TENM3: variants seen among roughly 807,000 people sequenced by gnomAD.
The protein encoded by TENM3 is teneurin transmembrane protein 3.
In TENM3, 63 loss-of-function variants were observed where a neutral mutation model predicts 255.1. The observed-to-expected ratio is 0.25, with a 90% CI of 0.20 to 0.30. The LOEUF (loss-of-function observed/expected upper bound fraction) is 0.30, where lower values mean the gene tolerates loss of function less well. Ranked by LOEUF, TENM3 falls within the 10% of genes least tolerant of loss-of-function variation. The probability of loss-of-function intolerance (pLI) is 1.00; values close to 1 mark genes in which losing one functional copy is unlikely to be tolerated. For missense variants in TENM3, 2,929 were observed against 3,461.1 expected, an observed-to-expected ratio of 0.85 and a Z score of 3.86; for synonymous variants, 1,306 against 1,322.3, an observed-to-expected ratio of 0.99 and a Z score of 0.27.
chr4:182,380,078 G>A (rs191858557), intron 3 of TENM3, among the ~76,000 whole-genome samples: 137 of 152,212 alleles, frequency 9.0e-4, no homozygotes, highest in African/African-American at 3.2e-3. Context: ...AGACCAGCCT[G>A]GACAACATGA....
intron 3 of TENM3, among the ~76,000 whole-genome samples, chr4:182,472,304 C>A (rs1213585026): frequency 6.6e-6 from 1 of 152,104 alleles, no homozygotes; most frequent in Non-Finnish European, 1.5e-5. Flanking sequence ...TATTAATCCC[C>A]TTCTTTTTCT....
chr4:181,758,712 T>C, the TENM3 span, among the ~76,000 whole-genome samples: 13 of 152,328 alleles, frequency 8.5e-5, no homozygotes, highest in Admixed American at 2.6e-4. Flanking sequence ...CAGCCTGCTT[T>C]CATCTGATGT....
chr4:181,823,155 G>C, the TENM3 span, among the ~76,000 whole-genome samples: 3 of 152,354 alleles, frequency 2.0e-5, no homozygotes, highest in African/African-American at 7.2e-5. Context: ...GAAGGCATGA[G>C]TGAAAGCTGG....
intron 2 of TENM3, among the ~76,000 whole-genome samples, chr4:182,325,614 A>G (rs901581891): frequency 1.3e-5 from 2 of 152,188 alleles, no homozygotes; most frequent in African/African-American, 4.8e-5. Context: ...GCTGAAATAG[A>G]TTATCAGTGT....
chr4:182,057,184 G>A, the TENM3 span, among the ~76,000 whole-genome samples: 2 of 151,686 alleles, frequency 1.3e-5, no homozygotes, highest in South Asian at 4.2e-4. Context: ...TGGATGATAA[G>A]TATTTAGAGG....
chr4:182,330,827 GA>G (rs1763701375), intron 2 of TENM3, among the ~76,000 whole-genome samples: 1 of 152,176 alleles, frequency 6.6e-6, no homozygotes, highest in Non-Finnish European at 1.5e-5. Flanking sequence ...AGCACTACAA[GA>G]GAAACCTTAA....
the TENM3 span, among the ~76,000 whole-genome samples, chr4:181,791,573 T>C: frequency 2.4e-4 from 37 of 152,330 alleles, no homozygotes; most frequent in African/African-American, 8.7e-4. Context: ...TTGGTAATTT[T>C]AGCCTACTCT....
chr4:182,785,712 TAAAA>T (rs397879537), intron 24 of TENM3, among the ~76,000 whole-genome samples: 2 of 60,086 alleles, frequency 3.3e-5, no homozygotes, highest in African/African-American at 6.5e-5. Context: ...TGTCTCAAGA[TAAAA>T]AAAAAAAAAA....
chr4:182,441,897 T>C (rs1228900714), intron 3 of TENM3, among the ~76,000 whole-genome samples: 1 of 152,176 alleles, frequency 6.6e-6, no homozygotes, highest in East Asian at 1.9e-4. Flanking sequence ...AGCAAAGAAA[T>C]CGTCCCTATG....
intron 1 of TENM3, among the ~76,000 whole-genome samples, chr4:182,313,056 C>T (rs554441697): frequency 2.0e-5 from 3 of 152,244 alleles, no homozygotes; most frequent in Middle Eastern, 6.8e-3. Flanking sequence ...GTTTTGAAAT[C>T]ATAGAATATA....
the TENM3 span, among the ~76,000 whole-genome samples, chr4:182,031,598 G>T: frequency 4.8e-4 from 73 of 152,258 alleles, no homozygotes; most frequent in African/African-American, 1.7e-3. Flanking sequence ...GAATATCAAT[G>T]GTAGTTTGAT....
chr4:182,730,695 C>T (rs572970195), intron 15 of TENM3, among the ~76,000 whole-genome samples, 183 bp from the exon 16 acceptor site: 2 of 152,286 alleles, frequency 1.3e-5, no homozygotes, highest in East Asian at 3.9e-4. Flanking sequence ...GGTGAATACA[C>T]ATAGGACACA....
At chr4:182,578,852 A>G (rs977300157) in intron 3 of TENM3, among the ~76,000 whole-genome samples, 1 of 152,206 alleles carries the variant, frequency 6.6e-6, no homozygotes, top group African/African-American at 2.4e-5. Flanking sequence ...TGTTGTTTGG[A>G]AATCTCCAGT....
chr4:182,305,817 A>C (rs1406104467), intron 1 of TENM3, among the ~76,000 whole-genome samples: 1 of 152,224 alleles, frequency 6.6e-6, no homozygotes, highest in South Asian at 2.1e-4. Context: ...ACTTCACAGA[A>C]GCCCATTTCA....
At chr4:182,551,174 A>C (rs1310083708) in intron 3 of TENM3, among the ~76,000 whole-genome samples, 1 of 150,532 alleles carries the variant, frequency 6.6e-6, no homozygotes, top group African/African-American at 2.4e-5. Flanking sequence ...GTGAGCTGAG[A>C]TCACTCCACT....
At chr4:182,304,249 G>A (rs565027386) in intron 1 of TENM3, among the ~76,000 whole-genome samples, 9 of 151,756 alleles carry the variant, frequency 5.9e-5, no homozygotes, top group Admixed American at 2.6e-4. Context: ...GTCTTGCTCT[G>A]TTGCCCAGGC....
At chr4:182,787,603 A>C (rs1443755743) in intron 24 of TENM3, among the ~76,000 whole-genome samples, 2 of 151,842 alleles carry the variant, frequency 1.3e-5, no homozygotes, top group African/African-American at 4.8e-5. Flanking sequence ...GTATGGTGGC[A>C]GGCGCCTGTA....
At chr4:181,618,160 T>C in the TENM3 span, among the ~76,000 whole-genome samples, 1 of 152,158 alleles carries the variant, frequency 6.6e-6, no homozygotes, top group Non-Finnish European at 1.5e-5. Flanking sequence ...GGAGTCTGCA[T>C]TTGTGACAGA....
chr4:182,739,123 A>G (rs1761409644), intron 18 of TENM3, among the ~76,000 whole-genome samples: 1 of 151,984 alleles, frequency 6.6e-6, no homozygotes, highest in African/African-American at 2.4e-5. Flanking sequence ...TTGTTACTTG[A>G]CTTGGTGAAT....
Sources: allele counts gnomAD v4.1 joint callset (sites outside exome capture counted in the v4.1 genomes callset), GRCh38; gene constraint gnomAD v4.1.1; transcripts MANE v1.5; gene names NCBI Gene and HGNC (gene_info 2026-07-23, HGNC 2026-07-21).